The following CYP4X1 variants were observed in gnomAD, a reference collection of about 807,000 sequenced individuals.
The protein encoded by CYP4X1 is cytochrome P450 4X1.
CYP4X1 carries 44 observed loss-of-function variants against 57.9 expected under a neutral mutation model. The ratio of observed to expected loss-of-function variants is 0.76; its 90% CI spans 0.60 to 0.98. The LOEUF (loss-of-function observed/expected upper bound fraction) is 0.98. CYP4X1 is among the 50% of genes least tolerant of loss of function. The pLI is 0.00. For missense variants in CYP4X1, 532 were observed against 623.9 expected (o/e 0.85, Z 1.57); for synonymous variants, 227 against 228.6 (o/e 0.99, Z 0.06).
At chr1:47,000,182 T>C in the CYP4X1 span, among the ~76,000 whole-genome samples, 2 of 152,096 alleles carry the variant, frequency 1.3e-5, no homozygotes, top group Non-Finnish European at 1.5e-5. Context: ...TTAGAGGTGT[T>C]TGGCAATTCC....
chr1:46,970,747 C>T, the CYP4X1 span, among the ~76,000 whole-genome samples: 2 of 152,160 alleles, frequency 1.3e-5, no homozygotes, highest in African/African-American at 2.4e-5. Context: ...AAGATGCTAA[C>T]CAAGACAGCA....
chr1:47,009,308 C>G, the CYP4X1 span, among the ~76,000 whole-genome samples: 51 of 151,838 alleles, frequency 3.4e-4, no homozygotes, highest in African/African-American at 1.1e-3. Context: ...TCCTGAATGA[C>G]TACCTGGTAC....
chr1:46,996,709 C>T, the CYP4X1 span, among the ~76,000 whole-genome samples: 1 of 152,164 alleles, frequency 6.6e-6, no homozygotes. Flanking sequence ...CAGACACTTC[C>T]ACCAGAAACT....
the CYP4X1 span, among the ~76,000 whole-genome samples, chr1:46,966,638 A>C: frequency 6.6e-6 from 1 of 152,080 alleles, no homozygotes; most frequent in African/African-American, 2.4e-5. Context: ...TGGATATTTC[A>C]GTTGTAGGCA....
chr1:47,023,757 G>T lies in CYP4X1; in HGVS notation c.-61G>T. On this transcript the variant is annotated 5_prime_UTR_variant, in exon 1 of 12. Transcript: ENST00000371901. The stretch of plus-strand genomic sequence containing the variant: ...GCGACCCTACGCCAGCTCCGGGCGG[G>T]AGAAAGCCCACCCTCTCCCGCGCCC... 6.4e-7 allele frequency: 1 copy of T among 1,566,266 alleles called. No homozygotes were observed.
At chr1:46,989,468 A>G in the CYP4X1 span, among the ~76,000 whole-genome samples, 2 of 152,232 alleles carry the variant, frequency 1.3e-5, no homozygotes, top group South Asian at 4.1e-4. Context: ...GAAAATGGAC[A>G]TACTGCCCAA....
chr1:47,012,137 T>C, the CYP4X1 span, among the ~76,000 whole-genome samples: 1 of 152,172 alleles, frequency 6.6e-6, no homozygotes, highest in Non-Finnish European at 1.5e-5. Flanking sequence ...CTATTCACAA[T>C]AGCAAAGACT....
intron 1 of CYP4X1, among the ~76,000 whole-genome samples, chr1:47,024,930 G>C (rs1224554790): frequency 2.0e-5 from 3 of 151,984 alleles, no homozygotes; most frequent in Admixed American, 2.0e-4. Context: ...CTCTTTTATC[G>C]GTTTCTTCTG....
At chr1:47,011,648 C>T in the CYP4X1 span, among the ~76,000 whole-genome samples, 6 of 152,216 alleles carry the variant, frequency 3.9e-5, no homozygotes, top group Admixed American at 3.9e-4. Flanking sequence ...AAAATTTTTA[C>T]AATCTACCCA....
At chr1:46,999,418 TA>T in the CYP4X1 span, among the ~76,000 whole-genome samples, 1 of 152,162 alleles carries the variant, frequency 6.6e-6, no homozygotes, top group Non-Finnish European at 1.5e-5. Context: ...GTTGTAATGT[TA>T]CCTTTGTTAT....
intron 3 of CYP4X1, 86 bp downstream of exon 3, chr1:47,031,566 G>C: frequency 6.8e-7 from 1 of 1,463,692 alleles, no homozygotes; most frequent in Non-Finnish European, 9.5e-7. Flanking sequence ...ACTGAAATCT[G>C]AATTCAAAAG....
the CYP4X1 span, among the ~76,000 whole-genome samples, chr1:46,984,573 T>G: frequency 1.3e-5 from 2 of 151,944 alleles, no homozygotes; most frequent in African/African-American, 4.8e-5. Context: ...TGAAGCAGGA[T>G]GGGGTGTCAT....
At chr1:47,008,252 G>C in the CYP4X1 span, among the ~76,000 whole-genome samples, 1 of 152,242 alleles carries the variant, frequency 6.6e-6, no homozygotes, top group African/African-American at 2.4e-5. Context: ...AGCCAGAAGA[G>C]AGTGGGGGCC....
the CYP4X1 span, among the ~76,000 whole-genome samples, chr1:46,986,605 A>G: frequency 1.3e-5 from 2 of 152,190 alleles, no homozygotes; most frequent in Non-Finnish European, 2.9e-5. Context: ...GGTTGAAATG[A>G]AGGAAAAAAT....
the CYP4X1 span, among the ~76,000 whole-genome samples, chr1:46,999,482 T>C: frequency 6.6e-6 from 1 of 152,152 alleles, no homozygotes; most frequent in African/African-American, 2.4e-5. Context: ...TTCATCTACC[T>C]AGTGGTCTAT....
intron 1 of CYP4X1, among the ~76,000 whole-genome samples, chr1:47,024,940 G>A (rs1644045822): frequency 6.6e-6 from 1 of 151,982 alleles, no homozygotes; most frequent in African/African-American, 2.4e-5. Flanking sequence ...GGTTTCTTCT[G>A]GTATTTAAAT....
chr1:47,021,111 T>C (rs995681969), upstream of CYP4X1, among the ~76,000 whole-genome samples: 3 of 114,172 alleles, frequency 2.6e-5, no homozygotes, highest in Non-Finnish European at 4.9e-5. Context: ...GCCAAGAAAA[T>C]TCAATTCAGT....
At chr1:47,003,820 G>C in the CYP4X1 span, among the ~76,000 whole-genome samples, 1 of 152,154 alleles carries the variant, frequency 6.6e-6, no homozygotes, top group African/African-American at 2.4e-5. Context: ...GATTTGAGCA[G>C]AGATAAATAT....
At chr1:47,049,286 A>G in intron 10 of CYP4X1, 136 bp from the exon 11 acceptor site, 1 of 639,632 alleles carries the variant, frequency 1.6e-6, no homozygotes, top group South Asian at 3.0e-5. Context: ...TCACCTTTTA[A>G]AAATGTGACC....
Sources: gnomAD v4.1 joint callset for allele counts (sites outside exome capture counted in the v4.1 genomes callset) on GRCh38, gnomAD v4.1.1 for gene constraint, MANE v1.5 for transcripts, NCBI Gene and HGNC (gene_info 2026-07-23, HGNC 2026-07-21) for gene names.